SH2D4B: variants seen among roughly 807,000 people sequenced by gnomAD.
SH2D4B encodes the protein SH2 domain containing 4B.
Under a neutral mutation model 61.5 loss-of-function variants are expected in SH2D4B, and 45 were observed. That is an observed-to-expected ratio of 0.73 (90% CI 0.58 to 0.94). The LOEUF (loss-of-function observed/expected upper bound fraction) is 0.94, where lower values mean the gene tolerates loss of function less well. Ranked by LOEUF, SH2D4B falls within the 40% of genes least tolerant of loss-of-function variation. The probability of loss-of-function intolerance (pLI) is 0.00; values close to 1 mark genes in which losing one functional copy is unlikely to be tolerated. For synonymous variants in SH2D4B, 224 were observed against 220.4 expected (o/e 1.02, Z -0.14); for missense variants, 572 against 574.2 (o/e 1.00, Z 0.04).
intron 6 of SH2D4B, among the ~76,000 whole-genome samples, chr10:80,631,615 A>G (rs1224628095): frequency 6.6e-6 from 1 of 152,230 alleles, no homozygotes; most frequent in African/African-American, 2.4e-5. Flanking sequence ...ATGGAATAGT[A>G]TTTGGCCTTT....
chr10:80,580,741 G>T (rs891747115), intron 3 of SH2D4B, among the ~76,000 whole-genome samples: 1 of 152,122 alleles, frequency 6.6e-6, no homozygotes, highest in African/African-American at 2.4e-5. Flanking sequence ...TTTTCCACAG[G>T]ATTCTGGCAG....
intron 7 of SH2D4B, among the ~76,000 whole-genome samples, chr10:80,634,840 A>T (rs907660470): frequency 2.6e-5 from 4 of 152,036 alleles, no homozygotes; most frequent in African/African-American, 9.7e-5. Flanking sequence ...CTCATCTCCA[A>T]CTCATTCCCA....
chr10:80,547,672 C>G (rs1159409221), intron 1 of SH2D4B, among the ~76,000 whole-genome samples: 3 of 152,164 alleles, frequency 2.0e-5, no homozygotes, highest in Non-Finnish European at 4.4e-5. Context: ...GAAAACACTT[C>G]CTGTCACCAT....
At chr10:80,570,061 GT>G in intron 1 of SH2D4B, 92 bp from the exon 2 acceptor site, 1 of 1,442,678 alleles carries the variant, frequency 6.9e-7, no homozygotes, top group Non-Finnish European at 9.6e-7. Context: ...GTTCCATAGA[GT>G]GATGTGATGG....
At chr10:80,642,611 G>T (rs1171445948) in intron 7 of SH2D4B, among the ~76,000 whole-genome samples, 2 of 152,172 alleles carry the variant, frequency 1.3e-5, no homozygotes, top group African/African-American at 4.8e-5. Flanking sequence ...ACCAAACCTT[G>T]TAAATGCCAT....
chr10:80,633,595 G>A (rs548252313), intron 6 of SH2D4B, among the ~76,000 whole-genome samples: 122 of 152,222 alleles, frequency 8.0e-4, no homozygotes, highest in African/African-American at 2.9e-3. Context: ...AGATGACAGC[G>A]GCTTCCTGAG....
intron 1 of SH2D4B, among the ~76,000 whole-genome samples, chr10:80,549,100 T>C (rs1841720984): frequency 6.6e-6 from 1 of 152,140 alleles, no homozygotes; most frequent in Admixed American, 6.5e-5. Flanking sequence ...GCCTGTGGCC[T>C]GGGACTCCCT....
chr10:80,633,715 A>G (rs1441633041), intron 6 of SH2D4B, among the ~76,000 whole-genome samples: 1 of 152,188 alleles, frequency 6.6e-6, no homozygotes, highest in Non-Finnish European at 1.5e-5. Flanking sequence ...GAAAGTTTTG[A>G]TCTCTGAGCT....
At chr10:80,627,641 A>G (rs1025794657) in intron 6 of SH2D4B, among the ~76,000 whole-genome samples, 16 of 150,756 alleles carry the variant, frequency 1.1e-4, no homozygotes, top group African/African-American at 3.9e-4. Flanking sequence ...TTATTTTTAT[A>G]TTACAAAATT....
At chr10:80,544,397 G>A (rs570851189) in intron 1 of SH2D4B, among the ~76,000 whole-genome samples, 6 of 152,334 alleles carry the variant, frequency 3.9e-5, no homozygotes, top group Admixed American at 2.0e-4. Flanking sequence ...AACACTCACC[G>A]CGAGGGTCCG....
chr10:80,553,995 C>T (rs1419691730), intron 1 of SH2D4B, among the ~76,000 whole-genome samples: 8 of 152,184 alleles, frequency 5.3e-5, no homozygotes, highest in Non-Finnish European at 4.4e-5. Flanking sequence ...ATAATAAGTT[C>T]TGCATCCCAG....
At chr10:80,565,794 A>G (rs1305140152) in intron 1 of SH2D4B, among the ~76,000 whole-genome samples, 1 of 152,092 alleles carries the variant, frequency 6.6e-6, no homozygotes, top group African/African-American at 2.4e-5. Context: ...AAGGTCGGGT[A>G]AAAGAGTGAA....
At chr10:80,550,752 A>G (rs1367184375) in intron 1 of SH2D4B, among the ~76,000 whole-genome samples, 1 of 152,220 alleles carries the variant, frequency 6.6e-6, no homozygotes. Flanking sequence ...ATTTTAGTTG[A>G]GCAAGTGGAA....
intron 1 of SH2D4B, among the ~76,000 whole-genome samples, chr10:80,559,088 C>T (rs1435226025): frequency 5.3e-5 from 8 of 151,670 alleles, no homozygotes; most frequent in Non-Finnish European, 1.5e-5. Context: ...CTTAGGTATG[C>T]CAGGCAGTTT....
intron 5 of SH2D4B, 51 bp downstream of exon 5, chr10:80,603,846 G>C: frequency 6.5e-7 from 1 of 1,533,612 alleles, no homozygotes; most frequent in South Asian, 1.2e-5. Flanking sequence ...CTTGGATTAG[G>C]GCATGGGACA....
intron 1 of SH2D4B, among the ~76,000 whole-genome samples, 154 bp from the exon 2 acceptor site, chr10:80,570,000 G>C (rs906018231): frequency 1.3e-5 from 2 of 152,144 alleles, no homozygotes; most frequent in Non-Finnish European, 2.9e-5. Flanking sequence ...GATGGTTGTG[G>C]ACCTGCCCCC....
intron 1 of SH2D4B, among the ~76,000 whole-genome samples, chr10:80,543,046 C>T (rs1034034574): frequency 2.0e-5 from 3 of 152,110 alleles, no homozygotes; most frequent in Admixed American, 1.3e-4. Flanking sequence ...AGGGACTCAC[C>T]CTCTTTAGCA....
chr10:80,588,577 T>G, intron 3 of SH2D4B, 53 bp from the exon 4 acceptor site: 1 of 1,596,448 alleles, frequency 6.3e-7, no homozygotes, highest in Non-Finnish European at 8.6e-7. Flanking sequence ...TCTTTCTCGT[T>G]TCTCTGAAGT....
intron 3 of SH2D4B, among the ~76,000 whole-genome samples, chr10:80,573,619 C>T (rs1842089993): frequency 1.3e-5 from 2 of 152,174 alleles, no homozygotes; most frequent in Admixed American, 1.3e-4. Context: ...TTGCTGCCTT[C>T]ATTGGATTCT....
Sources: allele counts gnomAD v4.1 joint callset (sites outside exome capture counted in the v4.1 genomes callset), GRCh38; gene constraint gnomAD v4.1.1; transcripts MANE v1.5; gene names NCBI Gene and HGNC (gene_info 2026-07-23, HGNC 2026-07-21).